SND1: variants seen among roughly 807,000 people sequenced by gnomAD.
The protein encoded by SND1 is staphylococcal nuclease domain-containing protein 1.
SND1 carries 38 observed loss-of-function variants against 121.7 expected under a neutral mutation model. That is an observed-to-expected ratio of 0.31 (90% confidence interval 0.24 to 0.41). SND1 has a LOEUF of 0.41. Ranked by LOEUF, SND1 falls within the 10% of genes least tolerant of loss-of-function variation. The pLI, the probability that SND1 is intolerant of heterozygous loss-of-function variation, is 1.00. For synonymous variants in SND1, 401 were observed against 447.4 expected, an observed-to-expected ratio of 0.90 and a Z score of 1.31; for missense variants, 868 against 1,184.6, an observed-to-expected ratio of 0.73 and a Z score of 3.92.
chr7:127,762,209 T>A (rs1036374971), intron 10 of SND1, among the ~76,000 whole-genome samples: 1 of 152,232 alleles, frequency 6.6e-6, no homozygotes, highest in Non-Finnish European at 1.5e-5. Context: ...TTGATAACTT[T>A]ATTAGTTTGC....
intron 16 of SND1, among the ~76,000 whole-genome samples, chr7:128,060,462 T>C (rs1197001715): frequency 6.6e-6 from 1 of 152,156 alleles, no homozygotes; most frequent in African/African-American, 2.4e-5. Context: ...TCTGAGTCCT[T>C]TTTTATTTTT....
At chr7:127,693,614 G>T (rs1251942834) in intron 2 of SND1, among the ~76,000 whole-genome samples, 2 of 152,204 alleles carry the variant, frequency 1.3e-5, no homozygotes, top group East Asian at 1.9e-4. Context: ...GTTAACAGAG[G>T]CTTCCTTTCA....
intron 9 of SND1, among the ~76,000 whole-genome samples, chr7:127,711,525 G>A (rs913106783): frequency 6.6e-6 from 1 of 151,958 alleles, no homozygotes; most frequent in South Asian, 2.1e-4. Flanking sequence ...TTTCTGAAAG[G>A]TTTTAGCAAA....
chr7:128,043,863 T>C (rs138618474), intron 16 of SND1, among the ~76,000 whole-genome samples: 50 of 149,680 alleles, frequency 3.3e-4, no homozygotes, highest in Non-Finnish European at 4.0e-4. Flanking sequence ...TATACACATA[T>C]ACACACACAC....
At chr7:127,663,250 A>C (rs1293862206) in intron 1 of SND1, among the ~76,000 whole-genome samples, 1 of 152,116 alleles carries the variant, frequency 6.6e-6, no homozygotes, top group Non-Finnish European at 1.5e-5. Context: ...AATGCTATGT[A>C]GATAGTTGCT....
intron 16 of SND1, among the ~76,000 whole-genome samples, chr7:128,073,010 A>G (rs902398030): frequency 6.6e-6 from 1 of 152,158 alleles, no homozygotes; most frequent in African/African-American, 2.4e-5. Flanking sequence ...CCCAGACTCT[A>G]CTAGTGAGCT....
intron 9 of SND1, among the ~76,000 whole-genome samples, chr7:127,717,590 G>A (rs712719): frequency 0.28 from 42,478 of 152,044 alleles, 7,281 homozygotes; most frequent in East Asian, 0.7. Context: ...CTGGGGAGAA[G>A]AGACATAGCA....
At chr7:127,741,858 C>T (rs749148184) in intron 10 of SND1, among the ~76,000 whole-genome samples, 2 of 152,036 alleles carry the variant, frequency 1.3e-5, no homozygotes, top group African/African-American at 2.4e-5. Flanking sequence ...CAGTGTTTCC[C>T]GAGAGTGAGG....
At chr7:127,799,022 A>G (rs1356889482) in intron 10 of SND1, among the ~76,000 whole-genome samples, 2 of 150,156 alleles carry the variant, frequency 1.3e-5, no homozygotes, top group African/African-American at 2.5e-5. Context: ...ATCAGGAGCA[A>G]CAACATAGCG....
chr7:127,684,441 T>C (rs1238024107), intron 1 of SND1, among the ~76,000 whole-genome samples: 1 of 152,248 alleles, frequency 6.6e-6, no homozygotes, highest in Non-Finnish European at 1.5e-5. Context: ...GCAGGTATTC[T>C]GCACTATGCT....
At position 127,844,186 on chromosome 7, in the gene SND1, T is replaced by C. The variant is rs7793228; in HGVS notation, c.1243-138T>C. ...CAGTCTGTTGCTCAGCTATTTCTTT[T>C]AATTGGTTTTAAAAATCTTAGATTC... is the stretch of plus-strand genomic sequence containing the variant. On this transcript the variant is annotated intron_variant, in intron 11 of 23. Transcript: ENST00000354725. The C allele has an allele frequency of 4.5e-3, 2,255 of 499,396 alleles. 34 individuals are homozygous for C. Among genetic ancestry groups the C allele is most frequent in the African/African-American group, 0.041 (2,066 of 50,546 alleles). The allele number at this position is 499,396 out of a possible 1,614,324, so 30.9% of individuals were successfully genotyped here.
Position 127,888,017 on chromosome 7 carries a change from G to T in SND1, c.1454+5G>T. ...ACTGCTTGCTGCAGAGGCCAGGTAA[G>T]ACCAAACATTACTAAACACATGGGG... On this transcript the variant is annotated splice_donor_5th_base_variant and intron_variant, in intron 13 of 23. Transcript: ENST00000354725. 1.2e-6 allele frequency: 2 copies of T among 1,602,660 alleles called. No individual in the cohort carries two copies. The highest frequency in any genetic ancestry group is 1.1e-5 in the South Asian group (1 of 90,662).
intron 11 of SND1, among the ~76,000 whole-genome samples, chr7:127,841,317 G>A (rs1410706605): frequency 6.6e-6 from 1 of 151,968 alleles, no homozygotes; most frequent in Non-Finnish European, 1.5e-5. Flanking sequence ...TAGAATTGAG[G>A]GCTTGAGCTT....
At chr7:127,835,915 G>A (rs572551374) in intron 11 of SND1, among the ~76,000 whole-genome samples, 2 of 152,208 alleles carry the variant, frequency 1.3e-5, no homozygotes, top group Admixed American at 1.3e-4. Flanking sequence ...ATTTTATTAT[G>A]TTTGTTTTCA....
intron 1 of SND1, among the ~76,000 whole-genome samples, chr7:127,666,914 T>G (rs567400516): frequency 6.6e-6 from 1 of 152,342 alleles, no homozygotes; most frequent in African/African-American, 2.4e-5. Flanking sequence ...TATTCCTTTA[T>G]GATAATCTCC....
At chr7:127,960,814 G>A (rs1801713202) in intron 15 of SND1, among the ~76,000 whole-genome samples, 1 of 152,212 alleles carries the variant, frequency 6.6e-6, no homozygotes, top group South Asian at 2.1e-4. Flanking sequence ...ATCAGGTGCT[G>A]CAGTGCTACA....
intron 11 of SND1, among the ~76,000 whole-genome samples, chr7:127,843,496 G>A (rs1799001387): frequency 6.6e-6 from 1 of 152,182 alleles, no homozygotes; most frequent in Admixed American, 6.5e-5. Context: ...GAATCATACA[G>A]TACACCTTTT....
At chr7:128,031,494 C>A (rs965313934) in intron 16 of SND1, 21 of 151,628 alleles carry the variant, frequency 1.4e-4, no homozygotes, top group African/African-American at 5.1e-4. Flanking sequence ...CTTCGCCCTC[C>A]CCAGACACAC....
chr7:127,783,758 C>A (rs1340919238), intron 10 of SND1, among the ~76,000 whole-genome samples: 4 of 152,180 alleles, frequency 2.6e-5, no homozygotes, highest in Admixed American at 2.6e-4. Flanking sequence ...ACCTACTGTA[C>A]CCAGATCTTT....
Sources: allele counts gnomAD v4.1 joint callset (sites outside exome capture counted in the v4.1 genomes callset), GRCh38; gene constraint gnomAD v4.1.1; transcripts MANE v1.5; gene names NCBI Gene and HGNC (gene_info 2026-07-23, HGNC 2026-07-21).